MS4A4E: variants seen among roughly 807,000 people sequenced by gnomAD.
The protein encoded by MS4A4E is membrane spanning 4-domains A4E.
A neutral mutation model predicts 13.3 loss-of-function variants in MS4A4E; 23 were observed. That is an observed-to-expected ratio of 1.73 (90% CI 1.25 to 2.45). The LOEUF (loss-of-function observed/expected upper bound fraction) is 2.45, where lower values mean the gene tolerates loss of function less well. Among genes scored for constraint, MS4A4E ranks in the 30% most tolerant of loss-of-function variants. MS4A4E has a pLI of 0.00. For synonymous variants in MS4A4E, 36 were observed against 45.6 expected, an observed-to-expected ratio of 0.79 and a Z score of 0.85; for missense variants, 144 against 131.2, an observed-to-expected ratio of 1.10 and a Z score of -0.48.
At chr11:60,204,615 C>G (rs2084018298) in intron 8 of MS4A4E, among the ~76,000 whole-genome samples, 1 of 152,212 alleles carries the variant, frequency 6.6e-6, no homozygotes, top group Non-Finnish European at 1.5e-5. Flanking sequence ...AGCCATCATG[C>G]TACTATATGA....
intron 5 of MS4A4E, among the ~76,000 whole-genome samples, chr11:60,211,818 C>G (rs943988697): frequency 6.6e-6 from 1 of 152,172 alleles, no homozygotes. Context: ...GATGCTGAGG[C>G]AGGAGAATCA....
At position 60,234,122 on chromosome 11, in the gene MS4A4E, T is replaced by C. The variant is rs78478823; in HGVS notation, c.-16-4051A>G. Among the ~76,000 whole-genome samples, 245 of 152,326 alleles carry C rather than the reference T, an allele frequency of 1.6e-3. 5 individuals are homozygous for C. In the East Asian group the frequency reaches 0.042, roughly 26 times the overall value. Reference sequence around the variant, plus strand: ...CTATTCTATACCTATCTCACCATTATATTTTGGAAACAAATCACTGGTTTT... The same window carrying C: ...CTATTCTATACCTATCTCACCATTACATTTTGGAAACAAATCACTGGTTTT... On this transcript the variant is annotated intron_variant, in intron 1 of 8. Transcript: ENST00000651255.
At chr11:60,213,178 G>A (rs1372221463) in intron 4 of MS4A4E, 46 bp from the exon 5 acceptor site, 2 of 1,014,024 alleles carry the variant, frequency 2.0e-6, no homozygotes, top group Admixed American at 4.5e-5. Flanking sequence ...ATCATCCTCA[G>A]ATATATCTCT....
intron 1 of MS4A4E, among the ~76,000 whole-genome samples, chr11:60,242,464 A>G (rs1292011186): frequency 2.0e-5 from 3 of 152,182 alleles, no homozygotes; most frequent in Admixed American, 2.0e-4. Context: ...CAGCCCATCT[A>G]AATGTACAAG....
At chr11:60,203,798 A>G (rs2084010876) in intron 8 of MS4A4E, among the ~76,000 whole-genome samples, 1 of 152,226 alleles carries the variant, frequency 6.6e-6, no homozygotes, top group South Asian at 2.1e-4. Flanking sequence ...TTGTAAATGT[A>G]GCAAAAGAAG....
rs1163340796 is a variant in MS4A4E at position 60,201,180 on chromosome 11, T to C, written c.*363A>G. On this transcript the variant is annotated 3_prime_UTR_variant, in exon 9 of 9. Coordinates refer to ENST00000651255, the MANE Select transcript of MS4A4E (RefSeq NM_001393391.1). ...GGTAGAGGGGCTCCTCACTTCCCAG[T>C]AGGGGCGGCTGGGCAGAGGCGCCCC... is the stretch of plus-strand genomic sequence containing the variant. The C allele has an allele frequency of 8.4e-6, 1 of 119,522 alleles. No individual in the cohort carries two copies. Among genetic ancestry groups the C allele is most frequent in the Non-Finnish European group, 1.7e-5 (1 of 58,946 alleles). 7.4% of individuals were successfully genotyped at this position (119,522 alleles called of 1,614,324 possible). A position where few individuals can be genotyped will look rare whatever the true frequency, so the allele number is the denominator to read the frequency against.
intron 2 of MS4A4E, 29 bp from the exon 3 acceptor site, chr11:60,228,656 C>T (rs998898768): frequency 1.4e-6 from 1 of 694,380 alleles, no homozygotes; most frequent in South Asian, 1.5e-5. Context: ...AGCAACGTTA[C>T]TCCTAATTGC....
At chr11:60,227,334 G>A (rs1346574873) in intron 3 of MS4A4E, among the ~76,000 whole-genome samples, 2 of 152,014 alleles carry the variant, frequency 1.3e-5, no homozygotes, top group African/African-American at 4.8e-5. Context: ...GGCGGATCAC[G>A]AGGTCAGGAG....
chr11:60,234,039 C>A (rs1426803215), intron 1 of MS4A4E, among the ~76,000 whole-genome samples: 1 of 152,208 alleles, frequency 6.6e-6, no homozygotes, highest in East Asian at 1.9e-4. Context: ...ATTTTGGACT[C>A]ACTTGAAACC....
intron 1 of MS4A4E, among the ~76,000 whole-genome samples, chr11:60,237,418 T>G (rs529260425): frequency 1.6e-4 from 25 of 152,336 alleles, no homozygotes; most frequent in African/African-American, 5.8e-4. Flanking sequence ...TATGTGTGCA[T>G]GTGTCTTTAA....
At chr11:60,226,243 C>T (rs1296988370) in intron 3 of MS4A4E, among the ~76,000 whole-genome samples, 1 of 151,734 alleles carries the variant, frequency 6.6e-6, no homozygotes, top group East Asian at 1.9e-4. Flanking sequence ...CAATTCTTTA[C>T]AGAAAACAGA....
intron 1 of MS4A4E, 61 bp from the exon 2 acceptor site, chr11:60,230,132 C>G: frequency 6.7e-7 from 1 of 1,496,708 alleles, no homozygotes; most frequent in South Asian, 1.4e-5. Context: ...AGTCTTGACA[C>G]TTTGGGGCAG....
chr11:60,228,680 C>A, intron 2 of MS4A4E, 53 bp from the exon 3 acceptor site: 2 of 688,760 alleles, frequency 2.9e-6, no homozygotes, highest in East Asian at 5.4e-5. Context: ...AGTTTGGAAG[C>A]CATCAAGATG....
chr11:60,235,711 G>T (rs1278793709), intron 1 of MS4A4E, among the ~76,000 whole-genome samples: 3 of 152,120 alleles, frequency 2.0e-5, no homozygotes, highest in African/African-American at 7.2e-5. Flanking sequence ...ATGACTTTAA[G>T]CCCAGAGGAG....
chr11:60,207,894 G>A (rs1314670860), intron 6 of MS4A4E, among the ~76,000 whole-genome samples: 1 of 152,208 alleles, frequency 6.6e-6, no homozygotes, highest in Non-Finnish European at 1.5e-5. Flanking sequence ...GGCACAGACT[G>A]ATAGAGAAGT....
At chr11:60,228,684 C>T in intron 2 of MS4A4E, 57 bp from the exon 3 acceptor site, 1 of 688,002 alleles carries the variant, frequency 1.5e-6, no homozygotes, top group South Asian at 1.6e-5. Context: ...TGGAAGCCAT[C>T]AAGATGTCCT....
At position 60,225,816 on chromosome 11, in the gene MS4A4E, A is replaced by G. The variant is rs578129233; in HGVS notation, c.178+2778T>C. On this transcript the variant is annotated intron_variant, in intron 3 of 8. Transcript: ENST00000651255. ...AGTAATAGAAATTAGAGCAGAAATCATAAAATTAAAAACAGAAAATTAATA... is the reference window on the plus strand; with the variant it reads ...AGTAATAGAAATTAGAGCAGAAATCGTAAAATTAAAAACAGAAAATTAATA... 1.3e-3 allele frequency among the ~76,000 whole-genome samples: 202 copies of G among 152,210 alleles called. 1 individual carries two copies. The highest frequency in any genetic ancestry group is 4.7e-3 in the African/African-American group (197 of 41,582).
chr11:60,213,260 T>G, intron 4 of MS4A4E, 128 bp from the exon 5 acceptor site: 1 of 1,533,642 alleles, frequency 6.5e-7, no homozygotes, highest in Non-Finnish European at 8.7e-7. Context: ...CTTATAGTGG[T>G]TTCAACTCTG....
At position 60,201,573 on chromosome 11, in the gene MS4A4E, C is replaced by T. The variant is rs910543697; in HGVS notation, c.966G>A (p.Arg322=). The part of the protein sequence containing the change: ...LPGHHPIWEV[R]SVSARPPIF ...AGATGGGCGGCCGGGCGGAGACACT[C>T]CTCACCTCCCAGATGGGATGGTGGC... The change falls in exon 9 of 9, where the codon AGG becomes AGA. Residue 322 remains arginine (R), a synonymous_variant. Transcript: ENST00000651255. 5 of 322,620 alleles carry T rather than the reference C, an allele frequency of 1.5e-5. No individual in the cohort carries two copies. Among genetic ancestry groups the T allele is most frequent in the South Asian group, 6.6e-5 (3 of 45,638 alleles). The allele number at this position is 322,620 out of a possible 1,614,324, so 20.0% of individuals were successfully genotyped here. A position where few individuals can be genotyped will look rare whatever the true frequency, so the allele number is the denominator to read the frequency against.
Sources: allele counts gnomAD v4.1 joint callset (sites outside exome capture counted in the v4.1 genomes callset), GRCh38; gene constraint gnomAD v4.1.1; transcripts MANE v1.5; gene names NCBI Gene and HGNC (gene_info 2026-07-23, HGNC 2026-07-21).